Variants in RPAP3 observed in about 807,000 individuals in gnomAD.
RPAP3 encodes RNA polymerase II-associated protein 3.
Under a neutral mutation model 88.8 loss-of-function variants are expected in RPAP3, and 58 were observed. That is an observed-to-expected ratio of 0.65 (90% confidence interval 0.53 to 0.81). RPAP3 has a LOEUF of 0.81. Among genes scored for constraint, RPAP3 ranks in the 40% least tolerant of loss-of-function variants. The probability of loss-of-function intolerance (pLI) is 0.00; values close to 1 mark genes in which losing one functional copy is unlikely to be tolerated. For missense variants in RPAP3, 751 were observed against 764.3 expected (o/e 0.98, Z 0.20); for synonymous variants, 255 against 259.9 (o/e 0.98, Z 0.18).
chr12:47,676,103 GC>G (rs776738972), intron 12 of RPAP3, among the ~76,000 whole-genome samples: 1 of 152,126 alleles, frequency 6.6e-6, no homozygotes, highest in Non-Finnish European at 1.5e-5. Flanking sequence ...ACTCAAAACT[GC>G]ACAACTGCAT....
intron 12 of RPAP3, among the ~76,000 whole-genome samples, chr12:47,675,459 A>G (rs1431388608): frequency 6.6e-6 from 1 of 152,150 alleles, no homozygotes; most frequent in East Asian, 1.9e-4. Flanking sequence ...TGCAAATTGG[A>G]TAGAGTAAAG....
chr12:47,664,736 C>A (rs1011523424), intron 16 of RPAP3: 3 of 152,218 alleles, frequency 2.0e-5, no homozygotes, highest in Non-Finnish European at 4.4e-5. Flanking sequence ...ATTAGAGTAA[C>A]AGTAAATTCA....
At chr12:47,679,332 C>A (rs1332655018) in intron 12 of RPAP3, among the ~76,000 whole-genome samples, 161 bp downstream of exon 12, 1 of 151,958 alleles carries the variant, frequency 6.6e-6, no homozygotes, top group East Asian at 1.9e-4. Flanking sequence ...ACCAACATGG[C>A]ACATGTATAC....
In RPAP3 at chr12:47,667,007, T is replaced by A; in HGVS notation, c.1885A>T (p.Met629Leu). Residue 629 changes from methionine to leucine, a missense_variant, in exon 16 of 17, where the codon ATG (methionine) becomes TTG (leucine). Met to Leu is a conservative substitution (Grantham distance 15, BLOSUM62 2). Coordinates refer to ENST00000005386, the MANE Select transcript of RPAP3 (RefSeq NM_024604.3). ...TTTTTCTCTGTTTCTGACATAAACA[T>A]CACTGCCATATCAAACCTTTTTAGT... is the stretch of plus-strand genomic sequence containing the variant. ...SELKRFDMAV[M>L]FMSETEKKIA... is the part of the protein sequence containing the mutation. The A allele has an allele frequency of 6.5e-7, 1 of 1,543,870 alleles. No individual in the cohort carries two copies. Among genetic ancestry groups the A allele is most frequent in the Non-Finnish European group, 8.7e-7 (1 of 1,152,802 alleles).
intron 12 of RPAP3, among the ~76,000 whole-genome samples, chr12:47,675,459 ATAGAG>A (rs1424162800): frequency 3.3e-5 from 5 of 152,150 alleles, no homozygotes; most frequent in Admixed American, 6.5e-5. Context: ...TGCAAATTGG[ATAGAG>A]TAAAGACCCA....
chr12:47,687,076 GTTTC>G (rs1158435774), intron 8 of RPAP3, among the ~76,000 whole-genome samples, 169 bp from the exon 9 acceptor site: 4 of 152,176 alleles, frequency 2.6e-5, no homozygotes, highest in Admixed American at 6.5e-5. Context: ...GGTTTGGGTT[GTTTC>G]TTTTTTAATG....
intron 12 of RPAP3, among the ~76,000 whole-genome samples, chr12:47,670,767 T>G (rs772139458): frequency 5.3e-5 from 8 of 152,130 alleles, no homozygotes; most frequent in Non-Finnish European, 1.2e-4. Context: ...ATGGTGGAGA[T>G]GAAGCCTCAA....
chr12:47,671,618 T>C (rs951410820), intron 12 of RPAP3, among the ~76,000 whole-genome samples: 2 of 152,174 alleles, frequency 1.3e-5, no homozygotes, highest in Non-Finnish European at 2.9e-5. Context: ...TAAAGAATAA[T>C]CATATTAAGT....
intron 3 of RPAP3, chr12:47,699,280 AGAAATCATCTGAGATGATGCCTTT>A (rs1318304769): frequency 6.6e-5 from 10 of 152,244 alleles, no homozygotes; most frequent in Non-Finnish European, 1.3e-4. Context: ...CATCTCTGTA[AGAAATCATCTGAGATGATGCCTTT>A]CAGGAAAGGG....
intron 12 of RPAP3, among the ~76,000 whole-genome samples, chr12:47,678,031 G>T (rs1939150967): frequency 6.6e-6 from 1 of 152,128 alleles, no homozygotes; most frequent in Non-Finnish European, 1.5e-5. Context: ...AAACAGCATG[G>T]TACTGGTACC....
At position 47,661,583 on chromosome 12, in the gene RPAP3, G is replaced by A. The variant is rs748173638; in HGVS notation, c.*1922C>T. 6.6e-6 allele frequency: 1 copy of A among 152,168 alleles called. No individual in the cohort carries two copies. Among genetic ancestry groups the A allele is most frequent in the Non-Finnish European group, 1.5e-5 (1 of 68,042 alleles). The allele number at this position is 152,168 out of a possible 1,614,324, so 9.4% of individuals were successfully genotyped here. ...TGGTCTTAAATCACTACATGAAAAT[G>A]TCTCTGGGGAGAAATCAGGCTAACA... On this transcript the variant is annotated 3_prime_UTR_variant, in exon 17 of 17. Transcript: ENST00000005386.
intron 12 of RPAP3, among the ~76,000 whole-genome samples, chr12:47,676,423 A>G (rs1939117442): frequency 6.6e-6 from 1 of 152,018 alleles, no homozygotes; most frequent in African/African-American, 2.4e-5. Flanking sequence ...TGATAGACAC[A>G]AAAAAAACCC....
chr12:47,703,878 C>G (rs1345925697), intron 1 of RPAP3, among the ~76,000 whole-genome samples: 1 of 152,146 alleles, frequency 6.6e-6, no homozygotes, highest in Non-Finnish European at 1.5e-5. Flanking sequence ...GAGAAAGACT[C>G]AAACAGTGGC....
At chr12:47,690,275 A>G (rs1380603056) in intron 6 of RPAP3, among the ~76,000 whole-genome samples, 1 of 152,228 alleles carries the variant, frequency 6.6e-6, no homozygotes, top group Non-Finnish European at 1.5e-5. Context: ...ACTGAAAATC[A>G]GAGGAGATAT....
At position 47,680,061 on chromosome 12, in the gene RPAP3, G is replaced by T. The variant is rs540774447; in HGVS notation, c.1115-287C>A. Reference sequence around the variant, plus strand: ...AGCAAAGTTCACCATGTAAACAAATGACAGAGTAACTCACTAAATGTAAAA... The same window carrying T: ...AGCAAAGTTCACCATGTAAACAAATTACAGAGTAACTCACTAAATGTAAAA... On this transcript the variant is annotated intron_variant, in intron 10 of 16. Transcript: ENST00000005386. Among the ~76,000 whole-genome samples, 80 of 152,188 alleles carry T rather than the reference G, an allele frequency of 5.3e-4. 1 individual carries two copies. The South Asian group carries it at 0.015, about 28-fold the overall frequency.
chr12:47,702,029 T>C (rs1424919792), intron 2 of RPAP3, among the ~76,000 whole-genome samples: 1 of 152,230 alleles, frequency 6.6e-6, no homozygotes, highest in East Asian at 1.9e-4. Flanking sequence ...CTAGGTACTA[T>C]CTGCATTTTT....
At chr12:47,694,535 A>G (rs1393213231) in intron 5 of RPAP3, among the ~76,000 whole-genome samples, 2 of 152,172 alleles carry the variant, frequency 1.3e-5, no homozygotes, top group African/African-American at 2.4e-5. Context: ...GAATGTTTCT[A>G]TTCATTAAAA....
chr12:47,705,118 C>G (rs766571040), intron 1 of RPAP3, among the ~76,000 whole-genome samples: 45 of 151,960 alleles, frequency 3.0e-4, no homozygotes, highest in Non-Finnish European at 5.1e-4. Flanking sequence ...GTAAAAGATA[C>G]AGGAAAAAGG....
intron 7 of RPAP3, among the ~76,000 whole-genome samples, 164 bp downstream of exon 7, chr12:47,688,961 C>CA (rs769982848): frequency 3.9e-5 from 6 of 152,192 alleles, no homozygotes; most frequent in Non-Finnish European, 8.8e-5. Context: ...AATACCATTA[C>CA]ACTCCCTCTA....
Sources: allele counts gnomAD v4.1 joint callset (sites outside exome capture counted in the v4.1 genomes callset), GRCh38; gene constraint gnomAD v4.1.1; transcripts MANE v1.5; gene names NCBI Gene and HGNC (gene_info 2026-07-23, HGNC 2026-07-21).